The following PAN2 variants were observed in gnomAD, a reference collection of about 807,000 sequenced individuals.
PAN2 encodes the protein poly(A) specific ribonuclease subunit PAN2.
Under a neutral mutation model 133.3 loss-of-function variants are expected in PAN2, and 68 were observed. The ratio of observed to expected loss-of-function variants is 0.51; its 90% confidence interval spans 0.42 to 0.62. The LOEUF is 0.62. Ranked by LOEUF, PAN2 falls within the 20% of genes least tolerant of loss-of-function variation. The pLI is 0.00. For synonymous variants in PAN2, 462 were observed against 544.6 expected (o/e 0.85, Z 2.11); for missense variants, 1,042 against 1,500.5 (o/e 0.69, Z 5.05).
At chr12:56,327,876 A>G (rs1033260487) in intron 5 of PAN2, 119 bp downstream of exon 5, 7 of 1,500,166 alleles carry the variant, frequency 4.7e-6, no homozygotes, top group Non-Finnish European at 5.3e-6. Flanking sequence ...AAGTGAATTC[A>G]CTCCACTCAT....
intron 2 of PAN2, among the ~76,000 whole-genome samples, chr12:56,330,693 A>G (rs1260324980): frequency 6.6e-6 from 1 of 151,796 alleles, no homozygotes; most frequent in Non-Finnish European, 1.5e-5. Flanking sequence ...GGGTCTTGCT[A>G]TGTTGCCCAG....
At chr12:56,325,311 A>G in intron 9 of PAN2, 24 bp downstream of exon 9, 1 of 1,613,474 alleles carries the variant, frequency 6.2e-7, no homozygotes, top group South Asian at 1.1e-5. Context: ...CCCACATCCC[A>G]CAGGCCCTGA....
rs1874043476 is a variant in PAN2, at chr12:56,317,514, A to G, written c.*95T>C. ...GACCCTGAGCACGTCCAGTACTGGA[A>G]GTGGACAAGGTATAGCCAACTTAGG... On this transcript the variant is annotated 3_prime_UTR_variant, in exon 26 of 26. Transcript: ENST00000440411. The G allele has an allele frequency of 1.0e-6, 1 of 975,944 alleles. No individual in the cohort carries two copies. Among genetic ancestry groups the G allele is most frequent in the Admixed American group, 1.8e-5 (1 of 54,802 alleles). The allele number at this position is 975,944 out of a possible 1,614,324, so 60.5% of individuals were successfully genotyped here.
chr12:56,329,995 GTCCAAGC>G (rs1489165953), intron 2 of PAN2, among the ~76,000 whole-genome samples: 4 of 149,846 alleles, frequency 2.7e-5, no homozygotes, highest in Non-Finnish European at 5.9e-5. Context: ...CAAGTCCAAG[GTCCAAGC>G]TCTTTTAACA....
chr12:56,330,595 G>A (rs967359368), intron 2 of PAN2, among the ~76,000 whole-genome samples: 3 of 151,572 alleles, frequency 2.0e-5, no homozygotes, highest in African/African-American at 7.3e-5. Flanking sequence ...TCCTGACCTC[G>A]TGATCCGCCC....
rs147098814 is a variant in PAN2 at position 56,330,126 on chromosome 12, T to C, written c.283-1485A>G. Among the ~76,000 whole-genome samples the C allele has an allele frequency of 3.2e-3, 489 of 152,232 alleles. 3 individuals carry two copies. Among genetic ancestry groups the C allele is most frequent in the African/African-American group, 0.01 (430 of 41,530 alleles). On this transcript the variant is annotated intron_variant, in intron 2 of 25. Transcript: ENST00000440411. ...GAGGCACAAGGATAAGTTAGAGGCATGGAGCTCTGCCTCTTTGTTCCCCTT... is the reference window on the plus strand; with the variant it reads ...GAGGCACAAGGATAAGTTAGAGGCACGGAGCTCTGCCTCTTTGTTCCCCTT...
At chr12:56,318,499 C>T (rs1486950953) in intron 24 of PAN2, 65 bp from the exon 25 acceptor site, 33 of 1,256,964 alleles carry the variant, frequency 2.6e-5, no homozygotes, top group Non-Finnish European at 1.8e-5. Flanking sequence ...TGTCTCCCCA[C>T]TCCTACCTGA....
chr12:56,328,385 G>A, intron 3 of PAN2, 27 bp from the exon 4 acceptor site: 1 of 1,595,314 alleles, frequency 6.3e-7, no homozygotes, highest in South Asian at 1.1e-5. Context: ...AGGCTAAGGG[G>A]CCCAGGCCTT....
intron 2 of PAN2, among the ~76,000 whole-genome samples, chr12:56,332,557 G>A (rs1412147070): frequency 1.4e-5 from 2 of 144,410 alleles, no homozygotes; most frequent in Non-Finnish European, 3.0e-5. Flanking sequence ...ATCACATTAC[G>A]CCATTGCACT....
Position 56,324,564 on chromosome 12 carries a change from T to A in PAN2, c.1728+17A>T, listed in dbSNP as rs765076334. ...ACCTTCCTTCCCCTTCCATTTTAAG[T>A]GTCTCCAAGTACTGACCTGGCAAGG... On this transcript the variant is annotated intron_variant, in intron 11 of 25. Transcript: ENST00000440411. 2 of 1,612,906 alleles carry A rather than the reference T, an allele frequency of 1.2e-6. No homozygotes were observed. Among genetic ancestry groups the A allele is most frequent in the Non-Finnish European group, 8.5e-7 (1 of 1,179,218 alleles).
Position 56,333,032 on chromosome 12 carries a change from C to G in PAN2, c.63G>C (p.Leu21=). 1 of 1,614,144 alleles carries G rather than the reference C, an allele frequency of 6.2e-7. No homozygotes were observed. Among genetic ancestry groups the G allele is most frequent in the Non-Finnish European group, 8.5e-7 (1 of 1,180,016 alleles). The change falls in exon 2 of 26, where the codon CTG becomes CTC. Residue 21 remains leucine, a synonymous_variant. Coordinates refer to ENST00000440411, the MANE Select transcript of PAN2 (RefSeq NM_014871.6). ...TCAGGTGGGCATCCAAGACAGGGTC[C>G]AGGGCAGAATGCATGGCTGGGGCAT... ...AEYAPAMHSA[L]DPVLDAHLNP... is the part of the protein sequence containing the mutation.
In PAN2 at chr12:56,319,033, A is replaced by G. The variant is rs550292101; in HGVS notation, c.3364+55T>C. The G allele has an allele frequency of 4.2e-5, 64 of 1,516,026 alleles. No homozygotes were observed. The highest frequency in any genetic ancestry group is 3.9e-4 in the South Asian group (35 of 89,068). The allele number at this position is 1,516,026 out of a possible 1,614,324, so 93.9% of individuals were successfully genotyped here. A position where few individuals can be genotyped will look rare whatever the true frequency, so the allele number is the denominator to read the frequency against. On this transcript the variant is annotated intron_variant, in intron 24 of 25. Transcript: ENST00000440411. The surrounding 1 kb of genome is among the most constrained non-coding windows in gnomAD (Gnocchi z 5.4). Reference sequence around the variant, plus strand: ...CAAAGAACATGATTTCTTTTTTTTTAAATGGCTGCTTCTGCTATTAATGTA... The same window carrying G: ...CAAAGAACATGATTTCTTTTTTTTTGAATGGCTGCTTCTGCTATTAATGTA...
Position 56,319,129 on chromosome 12 carries a change from T to C in PAN2, c.3323A>G (p.Lys1108Arg). The C allele has an allele frequency of 1.9e-6, 3 of 1,614,104 alleles. No individual in the cohort carries two copies. Among genetic ancestry groups the C allele is most frequent in the Non-Finnish European group, 1.7e-6 (2 of 1,180,014 alleles). Reference protein sequence around the residue: ...DTVYLFHMPRKRMISLRFLAW... With the variant: ...DTVYLFHMPRRRMISLRFLAW... ...AAGGAATCGCAGGGAAATCATTCGT[T>C]TTCGGGGCATATGGAACAGGTAGAC... Residue 1108 changes from lysine to arginine, a missense_variant, in exon 24 of 26, where the codon AAA becomes AGA. By Grantham distance (26) the Lys-to-Arg change is conservative. Coordinates refer to ENST00000440411, the MANE Select transcript of PAN2 (RefSeq NM_014871.6). The surrounding 1 kb of genome is among the most constrained non-coding windows in gnomAD (Gnocchi z 5.4).
In PAN2 at chr12:56,323,775, A is replaced by T. The variant is rs780282896; in HGVS notation, c.2172+32T>A. ...GTGGCTGAATCTCCATGGCAGGACCAGGACTCTAGTCCAGTCCAACAGTCC... is the reference window on the plus strand; with the variant it reads ...GTGGCTGAATCTCCATGGCAGGACCTGGACTCTAGTCCAGTCCAACAGTCC... On this transcript the variant is annotated intron_variant, in intron 14 of 25. Transcript: ENST00000440411. 1.4e-5 allele frequency: 21 copies of T among 1,506,358 alleles called. No individual in the cohort carries two copies. The African/African-American group carries it at 2.6e-4, about 19-fold the overall frequency. 93.3% of individuals were successfully genotyped at this position (1,506,358 alleles called of 1,614,324 possible).
At chr12:56,332,658 G>A in intron 2 of PAN2, 155 bp downstream of exon 2, 1 of 623,608 alleles carries the variant, frequency 1.6e-6, no homozygotes, top group Non-Finnish European at 2.9e-6. Flanking sequence ...TTTACTCCTA[G>A]ATCCTAGATT....
chr12:56,328,952 G>A lies in PAN2; in HGVS notation c.283-311C>T, dbSNP rs532397327. 1.7e-4 allele frequency among the ~76,000 whole-genome samples: 26 copies of A among 152,320 alleles called. 1 individual carries two copies. In the South Asian group the frequency reaches 5.2e-3, roughly 30 times the overall value. On this transcript the variant is annotated intron_variant, in intron 2 of 25. Transcript: ENST00000440411. Reference sequence around the variant, plus strand: ...CAGTATATAGAAGGTCAGGGACATGGTCCAATTCTCTACTGGCCAGCTGGC... The same window carrying A: ...CAGTATATAGAAGGTCAGGGACATGATCCAATTCTCTACTGGCCAGCTGGC...
intron 14 of PAN2, 43 bp downstream of exon 14, chr12:56,323,761 TCCA>T (rs750910518): frequency 1.3e-6 from 2 of 1,499,900 alleles, no homozygotes; most frequent in African/African-American, 2.7e-5. Context: ...TGGCTGAATC[TCCA>T]TGGCAGGACC....
At chr12:56,333,265 G>A (rs112327018) in intron 1 of PAN2, 57 bp from the exon 2 acceptor site, 10 of 632,370 alleles carry the variant, frequency 1.6e-5, no homozygotes, top group African/African-American at 9.2e-5. Flanking sequence ...GGTACTTAGG[G>A]TCTTCTAGGT....
At position 56,319,135 on chromosome 12, in the gene PAN2, G is replaced by A; in HGVS notation, c.3317C>T (p.Pro1106Leu). ...VLDTVYLFHM[P>L]RKRMISLRFL... The stretch of plus-strand genomic sequence containing the variant: ...TCGCAGGGAAATCATTCGTTTTCGG[G>A]GCATATGGAACAGGTAGACAGTGTC... The change falls in exon 24 of 26, where the codon CCC becomes CTC. Residue 1106 changes from proline (P) to leucine (L), a missense_variant. Physicochemically the swap from Pro to Leu is moderately conservative, Grantham distance 98. Around this residue, in one of 3 missense-constraint regions of PAN2, gnomAD observed 85 missense variants for 116.5 expected, o/e 0.73. Transcript: ENST00000440411. The surrounding 1 kb of genome is among the most constrained non-coding windows in gnomAD (Gnocchi z 5.4). The A allele has an allele frequency of 6.2e-7, 1 of 1,614,082 alleles. No homozygotes were observed. Among genetic ancestry groups the A allele is most frequent in the Non-Finnish European group, 8.5e-7 (1 of 1,180,002 alleles).
Sources: gnomAD v4.1 joint callset for allele counts (sites outside exome capture counted in the v4.1 genomes callset) on GRCh38, gnomAD v4.1.1 for gene constraint, gnomAD v4.1.1 regional missense constraint, Gnocchi (gnomAD v3.1) non-coding constraint, MANE v1.5 for transcripts, NCBI Gene and HGNC (gene_info 2026-07-23, HGNC 2026-07-21) for gene names.